FBN3: variants seen among roughly 807,000 people sequenced by gnomAD.
FBN3 encodes fibrillin-3.
A neutral mutation model predicts 330.1 loss-of-function variants in FBN3; 234 were observed. The ratio of observed to expected loss-of-function variants is 0.71; its 90% confidence interval spans 0.64 to 0.79. The LOEUF (loss-of-function observed/expected upper bound fraction) is 0.79. Ranked by LOEUF, FBN3 falls within the 30% of genes least tolerant of loss-of-function variation. FBN3 has a pLI of 0.00. For missense variants in FBN3, 3,606 were observed against 3,886.9 expected (o/e 0.93, Z 1.92); for synonymous variants, 1,458 against 1,517.3 (o/e 0.96, Z 0.91).
intron 56 of FBN3, among the ~76,000 whole-genome samples, chr19:8,085,162 C>T (rs7256384): frequency 6.6e-6 from 1 of 151,874 alleles, no homozygotes; most frequent in African/African-American, 2.4e-5. Context: ...CCTCAACCCC[C>T]CGAGTTCTTC....
chr19:8,085,327 T>C, intron 56 of FBN3, 36 bp downstream of exon 56: 3 of 1,533,566 alleles, frequency 2.0e-6, no homozygotes, highest in Non-Finnish European at 2.6e-6. Context: ...CCCCGTTTCT[T>C]GCCTCCCTGG....
rs370013914 is a variant in FBN3, at chr19:8,129,019, A to G, written c.2296+9T>C. ...GTGTGCAAACCCACGTGAGCCCGGG[A>G]CCCAGTACCTTTGCAGATCTCCGTG... On this transcript the variant is annotated intron_variant, in intron 18 of 63. Coordinates refer to ENST00000600128, the MANE Select transcript of FBN3 (RefSeq NM_032447.5). This position sits in a 1 kb window ranked among gnomAD's most constrained non-coding sequence, Gnocchi z 4.5. 1.2e-6 allele frequency: 2 copies of G among 1,610,550 alleles called. No individual in the cohort carries two copies. Among genetic ancestry groups the G allele is most frequent in the African/African-American group, 2.7e-5 (2 of 74,900 alleles).
In FBN3 at chr19:8,066,282, G is replaced by A. The variant is rs539996236; in HGVS notation, c.8089-22C>T. 2.2e-5 allele frequency: 33 copies of A among 1,496,110 alleles called. No homozygotes were observed. In the South Asian group the frequency reaches 3.8e-4, roughly 17 times the overall value. 92.7% of individuals were successfully genotyped at this position (1,496,110 alleles called of 1,614,324 possible). On this transcript the variant is annotated intron_variant, in intron 63 of 63. Coordinates refer to ENST00000600128, the MANE Select transcript of FBN3 (RefSeq NM_032447.5). ...TCACCTGGGAAGAAAGGCCAGGTGT[G>A]TGGTCAGAGCCCAGGAGAATCGGGA...
At chr19:8,077,839 G>C (rs1383096618) in intron 59 of FBN3, among the ~76,000 whole-genome samples, 4 of 152,154 alleles carry the variant, frequency 2.6e-5, no homozygotes, top group Non-Finnish European at 5.9e-5. Context: ...CACTTTGGAA[G>C]GCCGAGATGG....
intron 61 of FBN3, among the ~76,000 whole-genome samples, chr19:8,074,199 G>T (rs574539351): frequency 6.6e-5 from 10 of 152,086 alleles, no homozygotes; most frequent in Non-Finnish European, 1.2e-4. Context: ...GAGTCAGTAC[G>T]GGGGGAGGAA....
chr19:8,097,877 C>T (rs2082244263), intron 41 of FBN3, among the ~76,000 whole-genome samples: 1 of 152,124 alleles, frequency 6.6e-6, no homozygotes, highest in Admixed American at 6.5e-5. Context: ...CTAAGAGAAG[C>T]CAGACATGAA....
At chr19:8,083,416 C>T (rs545085027) in intron 56 of FBN3, 44 bp from the exon 57 acceptor site, 61 of 1,609,464 alleles carry the variant, frequency 3.8e-5, no homozygotes, top group Non-Finnish European at 4.5e-5. Context: ...GGCTGCTTCG[C>T]GCCTCCACCG....
rs1466981183 is a variant in FBN3, at chr19:8,066,209, G to A, written c.8140C>T (p.Leu2714Phe). 6.2e-7 allele frequency: 1 copy of A among 1,601,624 alleles called. No individual in the cohort carries two copies. Among genetic ancestry groups the A allele is most frequent in the Non-Finnish European group, 8.5e-7 (1 of 1,172,026 alleles). Residue 2714 changes from leucine to phenylalanine, a missense_variant, in exon 64 of 64, where the codon CTC becomes TTC. Coordinates refer to ENST00000600128, the MANE Select transcript of FBN3 (RefSeq NM_032447.5). Reference sequence around the variant, plus strand: ...CGCTCGGCCCGGCCCAGGTGTGAGAGGTTCAGGCCCAAGGTCAGCAGGGCC... The same window carrying A: ...CGCTCGGCCCGGCCCAGGTGTGAGAAGTTCAGGCCCAAGGTCAGCAGGGCC... Reference protein sequence around the residue: ...SEALLTLGLNLSHLGRAERIL... With the variant: ...SEALLTLGLNFSHLGRAERIL...
intron 13 of FBN3, 25 bp downstream of exon 13, chr19:8,135,936 G>GGGGGGGGGGGGGGGCCCCCCCCCCCC: frequency 8.2e-5 from 55 of 668,650 alleles, no homozygotes; most frequent in East Asian, 1.2e-4. Context: ...GGAAGCCCCT[G>GGGGGGGGGGGGGGGCCCCCCCCCCCC]CCCACCCGCC....
intron 10 of FBN3, 59 bp from the exon 11 acceptor site, chr19:8,136,590 C>A (rs2083287444): frequency 1.2e-6 from 2 of 1,602,568 alleles, no homozygotes; most frequent in Non-Finnish European, 1.7e-6. Context: ...CAGTCTGGAG[C>A]CTGGGCTTCA....
intron 62 of FBN3, 126 bp downstream of exon 62, chr19:8,072,921 GGCTGAAGGAGCTCTTC>G (rs1206886161): frequency 1.4e-6 from 1 of 707,214 alleles, no homozygotes; most frequent in Non-Finnish European, 2.4e-6. Flanking sequence ...TGCATGCACA[GGCTGAAGGAGCTCTTC>G]TGGTAAATTC....
In FBN3 at chr19:8,117,272, G is replaced by A. The variant is rs750390957; in HGVS notation, c.3483C>T (p.Val1161=). ...QGCVDINECR[V]QNGGCDVHCI... ...AGTGCACGTCACACCCACCATTCTG[G>A]ACCCGGCATTCGTTGATGTCTGCAG... The change falls in exon 28 of 64, where the codon GTC becomes GTT. Residue 1161 remains valine, a synonymous_variant. Transcript: ENST00000600128. 1 of 1,573,872 alleles carries A rather than the reference G, an allele frequency of 6.4e-7. No homozygotes were observed. Among genetic ancestry groups the A allele is most frequent in the South Asian group, 1.1e-5 (1 of 90,360 alleles).
At chr19:8,136,924 G>GC in intron 10 of FBN3, among the ~76,000 whole-genome samples, 1 of 147,438 alleles carries the variant, frequency 6.8e-6, no homozygotes, top group Admixed American at 6.7e-5. Flanking sequence ...CTCCAACCTG[G>GC]GCCTGGATCC....
chr19:8,076,128 G>C (rs183239682), intron 59 of FBN3, among the ~76,000 whole-genome samples: 6 of 152,124 alleles, frequency 3.9e-5, no homozygotes, highest in Non-Finnish European at 7.3e-5. Context: ...AAACCAAGAA[G>C]AGAGCCCTCA....
At chr19:8,105,155 A>T (rs1303475135) in intron 38 of FBN3, among the ~76,000 whole-genome samples, 1 of 150,828 alleles carries the variant, frequency 6.6e-6, no homozygotes, top group African/African-American at 2.4e-5. Context: ...GGGTTTCACT[A>T]TGTTGGCCAG....
intron 37 of FBN3, among the ~76,000 whole-genome samples, chr19:8,106,693 G>C (rs901575289): frequency 6.6e-6 from 1 of 151,980 alleles, no homozygotes. Context: ...GGATGGATAG[G>C]TGAGTAGACA....
Position 8,147,442 on chromosome 19 carries a change from C to T in FBN3, c.39G>A (p.Leu13=), listed in dbSNP as rs201719100. 2 of 1,567,014 alleles carry T rather than the reference C, an allele frequency of 1.3e-6. No individual in the cohort carries two copies. Among genetic ancestry groups the T allele is most frequent in the East Asian group, 2.3e-5 (1 of 43,594 alleles). ...CCGACCAGGCCAGCAGGAGCCGGGCCAGGGGGCCCCTTGCCAAATACAGAC... is the reference window on the plus strand; with the variant it reads ...CCGACCAGGCCAGCAGGAGCCGGGCTAGGGGGCCCCTTGCCAAATACAGAC... The part of the protein sequence containing the change: ...LEGLYLARGP[L]ARLLLAWSAL... Residue 13 remains leucine (L), a synonymous_variant, in exon 2 of 64, where the codon CTG becomes CTA. Transcript: ENST00000600128.
In FBN3 at chr19:8,096,506, C is replaced by A. The variant is rs143761835; in HGVS notation, c.5477G>T (p.Gly1826Val). The A allele has an allele frequency of 6.2e-7, 1 of 1,613,862 alleles. No homozygotes were observed. The highest frequency in any genetic ancestry group is 1.3e-5 in the African/African-American group (1 of 74,906). Residue 1826 changes from glycine (G) to valine (V), a missense_variant, in exon 44 of 64, where the codon GGC becomes GTC. Transcript: ENST00000600128. The surrounding 1 kb of genome is among the most constrained non-coding windows in gnomAD (Gnocchi z 4.6). ...ACGGTGACACAGACACATGTAGCTG[C>A]CTTCTGTGTCCATGCAGTCACCATG... The part of the protein sequence containing the change: ...CSHGDCMDTE[G>V]SYMCLCHRGF...
Position 8,095,372 on chromosome 19 carries a change from C to T in FBN3, c.5785+3G>A. ...TGCCTCCGAGCACCATAGGCAGACT[C>T]ACCCACACAGTTCTTCCCATCAGCT... On this transcript the variant is annotated splice_donor_region_variant and intron_variant, in intron 46 of 63. Coordinates refer to ENST00000600128, the MANE Select transcript of FBN3 (RefSeq NM_032447.5). The T allele has an allele frequency of 6.2e-7, 1 of 1,612,668 alleles. No homozygotes were observed. The highest frequency in any genetic ancestry group is 8.5e-7 in the Non-Finnish European group (1 of 1,179,170).
Sources: gnomAD v4.1 joint callset for allele counts (sites outside exome capture counted in the v4.1 genomes callset) on GRCh38, gnomAD v4.1.1 for gene constraint, Gnocchi (gnomAD v3.1) non-coding constraint, MANE v1.5 for transcripts, NCBI Gene and HGNC (gene_info 2026-07-23, HGNC 2026-07-21) for gene names.